CTNNA2: variants seen among roughly 807,000 people sequenced by gnomAD.
CTNNA2 encodes the protein catenin alpha 2, also known as catenin alpha-2.
In CTNNA2, 42 loss-of-function variants were observed where a neutral mutation model predicts 101.0. The observed-to-expected ratio is 0.42, with a 90% CI of 0.32 to 0.54. CTNNA2 has a LOEUF of 0.54. Among genes scored for constraint, CTNNA2 ranks in the 20% least tolerant of loss-of-function variants. CTNNA2 has a pLI of 0.14. For synonymous variants in CTNNA2, 450 were observed against 456.4 expected (o/e 0.99, Z 0.18); for missense variants, 871 against 1,223.1 (o/e 0.71, Z 4.29).
chr2:80,054,755 G>C (rs1697111778), intron 7 of CTNNA2, among the ~76,000 whole-genome samples: 1 of 152,154 alleles, frequency 6.6e-6, no homozygotes, highest in Non-Finnish European at 1.5e-5. Context: ...CTGTTGCCAG[G>C]GTTGAGGTAT....
chr2:79,428,411 T>A (rs1678615198), intron 4 of CTNNA2, among the ~76,000 whole-genome samples: 1 of 152,036 alleles, frequency 6.6e-6, no homozygotes, highest in African/African-American at 2.4e-5. Flanking sequence ...AAGACGAGAA[T>A]AAGCAGAAAG....
chr2:79,536,484 T>C (rs1225244137), intron 1 of CTNNA2, among the ~76,000 whole-genome samples: 3 of 152,052 alleles, frequency 2.0e-5, no homozygotes, highest in African/African-American at 7.2e-5. Context: ...TGCGAAACTG[T>C]GGCTTAAATA....
intron 7 of CTNNA2, among the ~76,000 whole-genome samples, chr2:80,183,169 C>T (rs190523525): frequency 2.1e-4 from 32 of 152,222 alleles, no homozygotes; most frequent in African/African-American, 6.7e-4. Context: ...CACCATTTAT[C>T]GGAAAATACC....
At chr2:79,906,656 C>A (rs1685448915) in intron 6 of CTNNA2, among the ~76,000 whole-genome samples, 2 of 152,070 alleles carry the variant, frequency 1.3e-5, no homozygotes, top group East Asian at 3.9e-4. Context: ...TCACAACAGC[C>A]CCAGGCCATG....
intron 4 of CTNNA2, among the ~76,000 whole-genome samples, chr2:79,414,220 G>A (rs940070174): frequency 1.3e-5 from 2 of 151,780 alleles, no homozygotes. Flanking sequence ...GCAACAACTA[G>A]GTTTCTCTCA....
intron 4 of CTNNA2, among the ~76,000 whole-genome samples, chr2:79,400,429 G>C (rs1403026149): frequency 6.6e-6 from 1 of 151,914 alleles, no homozygotes; most frequent in Non-Finnish European, 1.5e-5. Context: ...CTGCTATATA[G>C]AGAATATCAA....
intron 2 of CTNNA2, among the ~76,000 whole-genome samples, chr2:79,215,174 C>T (rs1008556911): frequency 1.3e-5 from 2 of 152,114 alleles, no homozygotes; most frequent in Non-Finnish European, 2.9e-5. Context: ...GTGAGTTGAA[C>T]AGTCCGATTT....
At chr2:80,561,906 C>A (rs1370307374) in intron 12 of CTNNA2, among the ~76,000 whole-genome samples, 1 of 149,786 alleles carries the variant, frequency 6.7e-6, no homozygotes, top group Non-Finnish European at 1.5e-5. Flanking sequence ...AAACCCCTGA[C>A]CTCAGGTAAT....
At chr2:80,268,596 T>C (rs2149135022) in intron 7 of CTNNA2, among the ~76,000 whole-genome samples, 1 of 152,296 alleles carries the variant, frequency 6.6e-6, no homozygotes, top group African/African-American at 2.4e-5. Flanking sequence ...TTCTCACACA[T>C]AACTTTACTA....
chr2:80,641,421 T>C (rs928836449), intron 18 of CTNNA2, among the ~76,000 whole-genome samples: 4 of 152,180 alleles, frequency 2.6e-5, no homozygotes, highest in Non-Finnish European at 2.9e-5. Flanking sequence ...TCTCTCTCCA[T>C]GCATATTGTA....
At chr2:79,970,280 T>C (rs1393400143) in intron 7 of CTNNA2, among the ~76,000 whole-genome samples, 3 of 152,166 alleles carry the variant, frequency 2.0e-5, no homozygotes, top group African/African-American at 7.2e-5. Context: ...GCCAACCTCT[T>C]GCTAGATCAG....
At chr2:79,977,232 A>G (rs1207276825) in intron 7 of CTNNA2, among the ~76,000 whole-genome samples, 1 of 151,176 alleles carries the variant, frequency 6.6e-6, no homozygotes, top group Non-Finnish European at 1.5e-5. Context: ...GCACACACAC[A>G]CACACACACA....
At chr2:79,852,701 C>T (rs1003666044) in intron 3 of CTNNA2, among the ~76,000 whole-genome samples, 49 of 152,236 alleles carry the variant, frequency 3.2e-4, no homozygotes, top group African/African-American at 1.1e-3. Flanking sequence ...AAGTGATTCT[C>T]CTGCCTCAGC....
At chr2:80,042,899 G>A (rs1283406174) in intron 7 of CTNNA2, among the ~76,000 whole-genome samples, 1 of 152,072 alleles carries the variant, frequency 6.6e-6, no homozygotes, top group Admixed American at 6.5e-5. Flanking sequence ...TTTGAGACTG[G>A]GGTTGAGACT....
chr2:80,232,097 GA>G (rs1709246294), intron 7 of CTNNA2, among the ~76,000 whole-genome samples: 1 of 152,040 alleles, frequency 6.6e-6, no homozygotes, highest in Non-Finnish European at 1.5e-5. Flanking sequence ...CTCTACCTGT[GA>G]ACTGTAAGCC....
chr2:80,055,746 G>T (rs1367150706), intron 7 of CTNNA2, among the ~76,000 whole-genome samples: 3 of 152,060 alleles, frequency 2.0e-5, no homozygotes, highest in Admixed American at 2.0e-4. Context: ...ACCTGCATTT[G>T]AGTTTGTGAC....
chr2:80,257,419 A>C (rs1032308524), intron 7 of CTNNA2, among the ~76,000 whole-genome samples: 4 of 152,146 alleles, frequency 2.6e-5, no homozygotes, highest in Non-Finnish European at 5.9e-5. Flanking sequence ...CAGGGAACAA[A>C]TTTTCAGATG....
At chr2:79,832,037 A>C (rs2105430851) in intron 3 of CTNNA2, among the ~76,000 whole-genome samples, 1 of 152,218 alleles carries the variant, frequency 6.6e-6, no homozygotes, top group Non-Finnish European at 1.5e-5. Flanking sequence ...ATTTGGCTCT[A>C]AGATAAAGTG....
chr2:80,630,594 G>A (rs922832430), intron 18 of CTNNA2, among the ~76,000 whole-genome samples: 6 of 152,032 alleles, frequency 3.9e-5, no homozygotes, highest in Admixed American at 2.0e-4. Flanking sequence ...CCGAGATTGC[G>A]CCGCTACACT....
Sources: allele counts gnomAD v4.1 joint callset (sites outside exome capture counted in the v4.1 genomes callset), GRCh38; gene constraint gnomAD v4.1.1; transcripts MANE v1.5; gene names NCBI Gene and HGNC (gene_info 2026-07-23, HGNC 2026-07-21).